The following SESN2 variants were observed in gnomAD, a reference collection of about 807,000 sequenced individuals.
The protein encoded by SESN2 is sestrin 2.
In SESN2, 42 loss-of-function variants were observed where a neutral mutation model predicts 56.0. That is an observed-to-expected ratio of 0.75 (90% CI 0.59 to 0.97). The LOEUF (loss-of-function observed/expected upper bound fraction) is 0.97. Ranked by LOEUF, SESN2 falls within the 50% of genes least tolerant of loss-of-function variation. The pLI, the probability that SESN2 is intolerant of heterozygous loss-of-function variation, is 0.00. For synonymous variants in SESN2, 264 were observed against 267.1 expected, an observed-to-expected ratio of 0.99 and a Z score of 0.11; for missense variants, 507 against 649.4, an observed-to-expected ratio of 0.78 and a Z score of 2.38.
chr1:28,259,858 C>T lies in SESN2; in HGVS notation c.11C>T (p.Ala4Val), dbSNP rs775762769. 7.1e-7 allele frequency: 1 copy of T among 1,399,652 alleles called. No homozygotes were observed. The highest frequency in any genetic ancestry group is 9.3e-7 in the Non-Finnish European group (1 of 1,077,834). 86.7% of individuals were successfully genotyped at this position (1,399,652 alleles called of 1,614,324 possible). A position where few individuals can be genotyped will look rare whatever the true frequency, so the allele number is the denominator to read the frequency against. ...GTCCTGGCGCGCACCATGATCGTGG[C>T]GGACTCCGAGTGCCGCGCAGAGCTC... MIV[A>V]DSECRAELKD... Residue 4 changes from alanine to valine, a missense_variant, in exon 1 of 10, where the codon GCG becomes GTG. Ala to Val is a moderately conservative substitution (Grantham distance 64). Transcript: ENST00000253063.
chr1:28,265,192 G>A (rs534312378), intron 1 of SESN2, among the ~76,000 whole-genome samples: 44 of 152,294 alleles, frequency 2.9e-4, no homozygotes, highest in African/African-American at 9.9e-4. Context: ...TGACTCCCCA[G>A]TCCAGGGAAT....
In SESN2 at chr1:28,272,477, CAG is replaced by C. The variant is rs1022706867; in HGVS notation, c.537+16_537+17del. 2.5e-6 allele frequency: 4 copies of C among 1,611,902 alleles called. No individual in the cohort carries two copies. The African/African-American group carries it at 5.3e-5, about 22-fold the overall frequency. ...AAGGAACACATCCAGGTGCAGGGGG[CAG>C]AGAGGCGGGTGTCTGAGGGAGCACA... is the stretch of plus-strand genomic sequence containing the variant. On this transcript the variant is annotated intron_variant, in intron 4 of 9. Transcript: ENST00000253063.
At chr1:28,261,779 CTTTTTTT>C (rs35935502) in intron 1 of SESN2, among the ~76,000 whole-genome samples, 1 of 129,636 alleles carries the variant, frequency 7.7e-6, no homozygotes, top group African/African-American at 3.1e-5. Context: ...TTTTTCTTAT[CTTTTTTT>C]TTTTTTTTTT....
At chr1:28,267,144 A>G (rs751959219) in intron 1 of SESN2, among the ~76,000 whole-genome samples, 9 of 152,118 alleles carry the variant, frequency 5.9e-5, no homozygotes, top group Admixed American at 2.0e-4. Flanking sequence ...TCTCCTATAC[A>G]GAGCTGTTGG....
chr1:28,277,794 G>A (rs1018655228), intron 8 of SESN2, among the ~76,000 whole-genome samples: 1 of 152,230 alleles, frequency 6.6e-6, no homozygotes, highest in African/African-American at 2.4e-5. Flanking sequence ...TCACTGAATG[G>A]GTTGAGCTAT....
At chr1:28,279,388 A>G (rs561937930) in intron 9 of SESN2, 147 bp downstream of exon 9, 20 of 742,104 alleles carry the variant, frequency 2.7e-5, no homozygotes, top group African/African-American at 1.9e-4. Context: ...TTGAAGTCCT[A>G]TTCCACTGTG....
intron 2 of SESN2, 32 bp downstream of exon 2, chr1:28,269,280 C>T (rs1422835369): frequency 6.5e-7 from 1 of 1,527,004 alleles, no homozygotes; most frequent in South Asian, 1.1e-5. Context: ...GATCTTTGGT[C>T]CCTGGGAAGA....
chr1:28,276,020 G>A lies in SESN2; in HGVS notation c.1211+1005G>A, dbSNP rs115801048. Among the ~76,000 whole-genome samples, 7 of 152,036 alleles carry A rather than the reference G, an allele frequency of 4.6e-5. No homozygotes were observed. In the South Asian group the frequency reaches 1.0e-3, roughly 23 times the overall value. On this transcript the variant is annotated intron_variant, in intron 8 of 9. Transcript: ENST00000253063. ...AAATTAGCCAGGCATGGTGGCTGAC[G>A]CCTGTAGTTCCAGCTACTTAGGAAG...
intron 8 of SESN2, among the ~76,000 whole-genome samples, 196 bp from the exon 9 acceptor site, chr1:28,278,901 C>T (rs762589751): frequency 1.2e-4 from 18 of 152,350 alleles, no homozygotes; most frequent in African/African-American, 4.3e-4. Flanking sequence ...CATTCCTTGA[C>T]GTGGTCCCCT....
intron 8 of SESN2, among the ~76,000 whole-genome samples, chr1:28,275,418 AAAT>A (rs1195291905): frequency 1.3e-5 from 2 of 152,186 alleles, no homozygotes; most frequent in African/African-American, 4.8e-5. Context: ...AGGGGACTTT[AAAT>A]AATGATACGT....
Position 28,276,947 on chromosome 1 carries a change from C to T in SESN2, c.1211+1932C>T, listed in dbSNP as rs554312945. On this transcript the variant is annotated intron_variant, in intron 8 of 9. Transcript: ENST00000253063. Reference sequence around the variant, plus strand: ...TTTGAGACGGAGTCTCGCTCTGTTGCCCAGGCTGGAGTGCAGTGGCTCAAT... The same window carrying T: ...TTTGAGACGGAGTCTCGCTCTGTTGTCCAGGCTGGAGTGCAGTGGCTCAAT... 1.3e-3 allele frequency among the ~76,000 whole-genome samples: 198 copies of T among 150,076 alleles called. 2 individuals carry two copies. Among genetic ancestry groups the T allele is most frequent in the Middle Eastern group, 3.6e-3 (1 of 280 alleles).
In SESN2 at chr1:28,280,698, C is replaced by A. The variant is rs771825063; in HGVS notation, c.1357-18C>A. On this transcript the variant is annotated intron_variant, in intron 9 of 9. Transcript: ENST00000253063. The stretch of plus-strand genomic sequence containing the variant: ...AGGAGTGACATCAGTTGCCAACATG[C>A]CTTCCTCTGTGCCCCAGGTCCACGT... 1 of 1,606,798 alleles carries A rather than the reference C, an allele frequency of 6.2e-7. No homozygotes were observed. The highest frequency in any genetic ancestry group is 8.5e-7 in the Non-Finnish European group (1 of 1,174,954).
rs568087353 is a variant in SESN2, at chr1:28,278,955, C to T, written c.1212-142C>T. The T allele has an allele frequency of 6.7e-5, 53 of 786,822 alleles. No individual in the cohort carries two copies. In the South Asian group the frequency reaches 8.6e-4, roughly 13 times the overall value. 48.7% of individuals were successfully genotyped at this position (786,822 alleles called of 1,614,324 possible). ...GATAACACGATATCAGCTGTTTCTC[C>T]AAGAGGAACTAGGCTTCTTGTTGCT... On this transcript the variant is annotated intron_variant, in intron 8 of 9. Transcript: ENST00000253063.
intron 1 of SESN2, among the ~76,000 whole-genome samples, chr1:28,267,359 C>T (rs1647593644): frequency 6.6e-6 from 1 of 152,254 alleles, no homozygotes; most frequent in African/African-American, 2.4e-5. Context: ...GAGTTTAGGC[C>T]TTTAACTTTC....
At chr1:28,276,570 CTTTTTTTTTTTTTT>C (rs57474365) in intron 8 of SESN2, among the ~76,000 whole-genome samples, 1 of 94,732 alleles carries the variant, frequency 1.1e-5, no homozygotes, top group African/African-American at 4.6e-5. Context: ...TTTTTCTTTC[CTTTTTTTTTTTTTT>C]TTTTTTTTTT....
chr1:28,275,451 G>T (rs534282356), intron 8 of SESN2, among the ~76,000 whole-genome samples: 1 of 152,254 alleles, frequency 6.6e-6, no homozygotes, highest in South Asian at 2.1e-4. Flanking sequence ...GAAATACTAT[G>T]CAGCTGTTAA....
intron 8 of SESN2, among the ~76,000 whole-genome samples, 199 bp downstream of exon 8, chr1:28,275,214 C>T (rs1320658191): frequency 1.3e-5 from 2 of 152,018 alleles, no homozygotes; most frequent in Non-Finnish European, 2.9e-5. Flanking sequence ...ATTGCACTCC[C>T]AGAGATAATT....
chr1:28,275,771 A>C (rs1648014305), intron 8 of SESN2, among the ~76,000 whole-genome samples: 1 of 150,452 alleles, frequency 6.6e-6, no homozygotes, highest in Admixed American at 6.6e-5. Flanking sequence ...ATTACAATAG[A>C]GGCCAGGCGC....
chr1:28,263,844 C>T (rs987338227), intron 1 of SESN2, among the ~76,000 whole-genome samples: 1 of 152,102 alleles, frequency 6.6e-6, no homozygotes, highest in African/African-American at 2.4e-5. Flanking sequence ...AGAGACTCTG[C>T]CGCCGCCCCA....
Sources: gnomAD v4.1 joint callset for allele counts (sites outside exome capture counted in the v4.1 genomes callset) on GRCh38, gnomAD v4.1.1 for gene constraint, MANE v1.5 for transcripts, NCBI Gene and HGNC (gene_info 2026-07-23, HGNC 2026-07-21) for gene names.